CELSR2: variants seen among roughly 807,000 people sequenced by gnomAD.
CELSR2 encodes the protein EGF-like protein 2.
In CELSR2, 81 loss-of-function variants were observed where a neutral mutation model predicts 251.6. That is an observed-to-expected ratio of 0.32 (90% CI 0.27 to 0.39). CELSR2 has a LOEUF of 0.39. Among genes scored for constraint, CELSR2 ranks in the 10% least tolerant of loss-of-function variants. CELSR2 has a pLI of 1.00. For synonymous variants in CELSR2, 1,721 were observed against 1,670.5 expected, an observed-to-expected ratio of 1.03 and a Z score of -0.74; for missense variants, 3,365 against 3,947.7, an observed-to-expected ratio of 0.85 and a Z score of 3.96.
chr1:109,254,369 C>CA (rs1655787200), intron 1 of CELSR2, among the ~76,000 whole-genome samples: 2 of 152,198 alleles, frequency 1.3e-5, no homozygotes, highest in South Asian at 4.1e-4. Flanking sequence ...CTTGGCCAAG[C>CA]ACTCAGCCTA....
At chr1:109,270,402 A>G in intron 23 of CELSR2, 24 bp from the exon 24 acceptor site, 1 of 1,612,736 alleles carries the variant, frequency 6.2e-7, no homozygotes, top group Non-Finnish European at 8.5e-7. Context: ...CCGGTCGCTG[A>G]CCTGCCCTGG....
At position 109,271,463 on chromosome 1, in the gene CELSR2, G is replaced by A. The variant is rs1570794221; in HGVS notation, c.7754G>A (p.Ser2585Asn). Residue 2585 changes from serine (S) to asparagine (N), a missense_variant, in exon 27 of 34, where the codon AGC (serine) becomes AAC (asparagine). Physicochemically the swap from Ser to Asn is conservative, Grantham distance 46. Around this residue, in one of 5 missense-constraint regions of CELSR2, gnomAD observed 2,093 missense variants for 2,382.8 expected, o/e 0.88. Transcript: ENST00000271332. ...TWLLALLSVN[S>N]DTLLFHYLFA... ...CTGCTGGCACTGCTCTCTGTCAACA[G>A]CGACACCCTCCTCTTCCACTACCTC... 1.9e-6 allele frequency: 3 copies of A among 1,614,102 alleles called. No homozygotes were observed. The East Asian group carries it at 6.7e-5, about 36-fold the overall frequency.
At chr1:109,262,040 C>A in intron 5 of CELSR2, 144 bp downstream of exon 5, 1 of 1,057,716 alleles carries the variant, frequency 9.5e-7, no homozygotes, top group East Asian at 2.6e-5. Flanking sequence ...GAAGGTGCCA[C>A]CTTGCTGGGC....
In CELSR2 at chr1:109,269,949, C is replaced by T. The variant is rs1259584212; in HGVS notation, c.7124C>T (p.Pro2375Leu). ...VSRRENGEIL[P>L]LKTLTYVALG... ...ACTCTGCAGAATGGGGAGATCCTGCCACTGAAGACACTGACATACGTGGCT... is the reference window on the plus strand; with the variant it reads ...ACTCTGCAGAATGGGGAGATCCTGCTACTGAAGACACTGACATACGTGGCT... The change falls in exon 23 of 34, where the codon CCA becomes CTA. Residue 2375 changes from proline (P) to leucine (L), a missense_variant. By Grantham distance (98) the Pro-to-Leu change is moderately conservative. Coordinates refer to ENST00000271332, the MANE Select transcript of CELSR2 (RefSeq NM_001408.3). This position sits in a 1 kb window ranked among gnomAD's most constrained non-coding sequence, Gnocchi z 6.4. 1 of 1,614,040 alleles carries T rather than the reference C, an allele frequency of 6.2e-7. No homozygotes were observed. Among genetic ancestry groups the T allele is most frequent in the East Asian group, 2.2e-5 (1 of 44,884 alleles).
In CELSR2 at chr1:109,253,024, T is replaced by A. The variant is rs745938336; in HGVS notation, c.2945T>A (p.Val982Glu). 1 of 1,613,370 alleles carries A rather than the reference T, an allele frequency of 6.2e-7. No homozygotes were observed. The highest frequency in any genetic ancestry group is 1.3e-5 in the African/African-American group (1 of 74,912). Residue 982 changes from valine (V) to glutamate (E), a missense_variant, in exon 1 of 34, where the codon GTA becomes GAA. Around this residue, in one of 5 missense-constraint regions of CELSR2, gnomAD observed 505 missense variants for 660.0 expected, o/e 0.77. Coordinates refer to ENST00000271332, the MANE Select transcript of CELSR2 (RefSeq NM_001408.3). ...DIFSGELTALVDLDYEDRPEY... is the reference protein window; with the variant it reads ...DIFSGELTALEDLDYEDRPEY... ...TTCTCCGGGGAGCTGACAGCCCTGG[T>A]AGACTTAGACTACGAGGACCGGCCT...
At position 109,250,167 on chromosome 1, in the gene CELSR2, T is replaced by C. The variant is rs574259950; in HGVS notation, c.88T>C (p.Leu30=). 231 of 1,602,730 alleles carry C rather than the reference T, an allele frequency of 1.4e-4. No homozygotes were observed. Among genetic ancestry groups the C allele is most frequent in the Non-Finnish European group, 1.9e-4 (221 of 1,176,392 alleles). The change falls in exon 1 of 34, where the codon TTG becomes CTG. Residue 30 remains leucine (L), a synonymous_variant. Transcript: ENST00000271332. The surrounding 1 kb of genome is among the most constrained non-coding windows in gnomAD (Gnocchi z 4.4). ...LLLLLLPPPL[L]GDQVGPCRSL... ...GCTGCTGCTGCTGCCGCCGCCACTATTGGGAGACCAAGTGGGGCCCTGTCG... is the reference window on the plus strand; with the variant it reads ...GCTGCTGCTGCTGCCGCCGCCACTACTGGGAGACCAAGTGGGGCCCTGTCG...
rs1351068867 is a variant in CELSR2 at position 109,251,456 on chromosome 1, G to A, written c.1377G>A (p.Val459=). ...LDAQTGALDV[V]SPLDYETTKE... ...CCCAGACTGGAGCTCTGGATGTGGTGAGCCCTCTTGACTATGAGACGACCA... is the reference window on the plus strand; with the variant it reads ...CCCAGACTGGAGCTCTGGATGTGGTAAGCCCTCTTGACTATGAGACGACCA... The change falls in exon 1 of 34, where the codon GTG becomes GTA. Residue 459 remains valine (V), a synonymous_variant. Transcript: ENST00000271332. This position sits in a 1 kb window ranked among gnomAD's most constrained non-coding sequence, Gnocchi z 4.9. 8 of 1,613,732 alleles carry A rather than the reference G, an allele frequency of 5.0e-6. No individual in the cohort carries two copies. Among genetic ancestry groups the A allele is most frequent in the Non-Finnish European group, 5.9e-6 (7 of 1,180,030 alleles).
intron 1 of CELSR2, 30 bp from the exon 2 acceptor site, chr1:109,258,402 G>C: frequency 1.3e-6 from 2 of 1,505,578 alleles, no homozygotes; most frequent in South Asian, 1.3e-5. Context: ...GCAGCCCCAG[G>C]CTGGGTCCTG....
rs573306252 is a variant in CELSR2, at chr1:109,274,224, G to C, written c.*175G>C. 2 of 1,483,260 alleles carry C rather than the reference G, an allele frequency of 1.3e-6. No individual in the cohort carries two copies. The highest frequency in any genetic ancestry group is 2.2e-5 in the Admixed American group (1 of 44,896). The allele number at this position is 1,483,260 out of a possible 1,614,324, so 91.9% of individuals were successfully genotyped here. On this transcript the variant is annotated 3_prime_UTR_variant, in exon 34 of 34. Transcript: ENST00000271332. ...CGGGAGGGGTACTCACCCCACCTAA[G>C]GCCATCTAGTGCCAACTCCCCCCCC... is the stretch of plus-strand genomic sequence containing the variant.
chr1:109,270,873 C>T, intron 24 of CELSR2, 54 bp from the exon 25 acceptor site: 1 of 1,351,060 alleles, frequency 7.4e-7, no homozygotes, highest in South Asian at 1.2e-5. Flanking sequence ...CGCAGCCCTA[C>T]TTCCCAGGCC....
chr1:109,273,454 G>A lies in CELSR2; in HGVS notation c.8528G>A (p.Cys2843Tyr). The A allele has an allele frequency of 1.2e-6, 2 of 1,612,374 alleles. No homozygotes were observed. The highest frequency in any genetic ancestry group is 1.3e-5 in the African/African-American group (1 of 74,974). ...QPHKGILKKK[C>Y]LPTISEKSSL... ...CCCACAGGCATCCTTAAGAAGAAGT[G>A]TCTGCCCACCATCAGCGAGAAGAGC... Residue 2843 changes from cysteine to tyrosine, a missense_variant, in exon 33 of 34, where the codon TGT becomes TAT. Coordinates refer to ENST00000271332, the MANE Select transcript of CELSR2 (RefSeq NM_001408.3).
intron 33 of CELSR2, 125 bp from the exon 34 acceptor site, chr1:109,273,897 C>T (rs963121885): frequency 5.7e-5 from 76 of 1,342,580 alleles, no homozygotes; most frequent in African/African-American, 1.0e-4. Context: ...GGGCAGAGTG[C>T]GGGAGGATGG....
intron 1 of CELSR2, among the ~76,000 whole-genome samples, chr1:109,257,778 C>T (rs1463929337): frequency 6.6e-6 from 1 of 152,208 alleles, no homozygotes; most frequent in East Asian, 1.9e-4. Flanking sequence ...CACTGGTTAA[C>T]GTGGCTCAGC....
chr1:109,258,695 G>A lies in CELSR2; in HGVS notation c.3574G>A (p.Gly1192Arg). The A allele has an allele frequency of 6.5e-7, 1 of 1,548,512 alleles. No homozygotes were observed. ...NVSLSVGQPP[G>R]PGGGPPFLPS... is the part of the protein sequence containing the mutation. The stretch of plus-strand genomic sequence containing the variant: ...GAGCCTGTCGGTGGGCCAGCCGCCA[G>A]GGCCCGGGGGCGGGCCGCCCTTCCT... Residue 1192 changes from glycine (G) to arginine (R), a missense_variant, in exon 2 of 34, where the codon GGG (glycine) becomes AGG (arginine). Coordinates refer to ENST00000271332, the MANE Select transcript of CELSR2 (RefSeq NM_001408.3).
In CELSR2 at chr1:109,250,706, C is replaced by T. The variant is rs368528957; in HGVS notation, c.627C>T (p.Asp209=). The change falls in exon 1 of 34, where the codon GAC becomes GAT. Residue 209 remains aspartate, a synonymous_variant. Coordinates refer to ENST00000271332, the MANE Select transcript of CELSR2 (RefSeq NM_001408.3). This position sits in a 1 kb window ranked among gnomAD's most constrained non-coding sequence, Gnocchi z 4.4. Reference sequence around the variant, plus strand: ...CATCCCTGAGGGCCATCGACCCGGACGAGGGTGAGGCAGGTCGACTGGAGT... The same window carrying T: ...CATCCCTGAGGGCCATCGACCCGGATGAGGGTGAGGCAGGTCGACTGGAGT... The part of the protein sequence containing the change: ...PVASLRAIDP[D]EGEAGRLEYT... The T allele has an allele frequency of 8.1e-5, 131 of 1,613,980 alleles. No homozygotes were observed. The highest frequency in any genetic ancestry group is 1.1e-4 in the Non-Finnish European group (128 of 1,180,036).
rs774105965 is a variant in CELSR2, at chr1:109,271,150, G to A, written c.7597-67G>A. 6.2e-4 allele frequency: 967 copies of A among 1,552,092 alleles called. 1 individual carries two copies. Among genetic ancestry groups the A allele is most frequent in the Non-Finnish European group, 8.0e-4 (897 of 1,124,664 alleles). On this transcript the variant is annotated intron_variant, in intron 25 of 33. Transcript: ENST00000271332. ...CCTTTAGGAACAGCTGAGGCCACGG[G>A]GCCCTGTGGGCTGGGTGGAAGCTGT... is the stretch of plus-strand genomic sequence containing the variant.
At chr1:109,271,117 C>T in intron 25 of CELSR2, 78 bp downstream of exon 25, 1 of 1,524,288 alleles carries the variant, frequency 6.6e-7, no homozygotes, top group African/African-American at 1.4e-5. Flanking sequence ...CGCGTGTCCT[C>T]AGGACTCCCT....
rs529429604 is a variant in CELSR2, at chr1:109,256,098, C to T, written c.3311-2334C>T. Among the ~76,000 whole-genome samples the T allele has an allele frequency of 1.1e-4, 17 of 152,324 alleles. No individual in the cohort carries two copies. The East Asian group carries it at 2.9e-3, about 26-fold the overall frequency. On this transcript the variant is annotated intron_variant, in intron 1 of 33. Transcript: ENST00000271332. ...TGCTTTCTGCCTGGAGGGAATATCCCGTCAAGGAATCATTAGGCAGATATA... is the reference window on the plus strand; with the variant it reads ...TGCTTTCTGCCTGGAGGGAATATCCTGTCAAGGAATCATTAGGCAGATATA...
Position 109,261,751 on chromosome 1 carries a change from A to T in CELSR2, c.4298-57A>T. On this transcript the variant is annotated intron_variant, in intron 4 of 33. Transcript: ENST00000271332. The surrounding 1 kb of genome is among the most constrained non-coding windows in gnomAD (Gnocchi z 4.8). ...CCCAGCCCCAGCCACTGGCACCCCA[A>T]ACCCTGCCATTCCTAGCCCTCGTCA... 6.4e-7 allele frequency: 1 copy of T among 1,556,130 alleles called. No homozygotes were observed. The highest frequency in any genetic ancestry group is 8.8e-7 in the Non-Finnish European group (1 of 1,139,888).
Sources: gnomAD v4.1 joint callset for allele counts (sites outside exome capture counted in the v4.1 genomes callset) on GRCh38, gnomAD v4.1.1 for gene constraint, gnomAD v4.1.1 regional missense constraint, Gnocchi (gnomAD v3.1) non-coding constraint, MANE v1.5 for transcripts, NCBI Gene and HGNC (gene_info 2026-07-23, HGNC 2026-07-21) for gene names.